Variants in ENAH observed in about 807,000 individuals in gnomAD.
ENAH encodes ENAH actin regulator, also known as protein enabled homolog.
ENAH carries 23 observed loss-of-function variants against 78.7 expected under a neutral mutation model. The observed-to-expected ratio is 0.29, with a 90% CI of 0.21 to 0.41. ENAH has a LOEUF of 0.41. Among genes scored for constraint, ENAH ranks in the 10% least tolerant of loss-of-function variants. The pLI, the probability that ENAH is intolerant of heterozygous loss-of-function variation, is 1.00. For synonymous variants in ENAH, 226 were observed against 241.0 expected (o/e 0.94, Z 0.58); for missense variants, 544 against 691.0 (o/e 0.79, Z 2.39).
intron 1 of ENAH, among the ~76,000 whole-genome samples, chr1:225,623,235 C>G (rs1296892191): frequency 6.6e-6 from 1 of 152,020 alleles, no homozygotes; most frequent in African/African-American, 2.4e-5. Flanking sequence ...AATTCATTCC[C>G]TTGTTTTTCT....
chr1:225,600,252 C>G (rs565543024), intron 1 of ENAH, among the ~76,000 whole-genome samples: 1 of 152,086 alleles, frequency 6.6e-6, no homozygotes, highest in South Asian at 2.1e-4. Context: ...TGAGTAAGAC[C>G]GCTATTCGGG....
intron 11 of ENAH, among the ~76,000 whole-genome samples, chr1:225,506,040 A>C (rs1329642064): frequency 6.6e-6 from 1 of 152,236 alleles, no homozygotes; most frequent in Non-Finnish European, 1.5e-5. Flanking sequence ...AAAATCTTTC[A>C]AAGAACAACT....
At chr1:225,519,788 T>C (rs1049432171) in intron 4 of ENAH, among the ~76,000 whole-genome samples, 2 of 152,220 alleles carry the variant, frequency 1.3e-5, no homozygotes, top group African/African-American at 4.8e-5. Flanking sequence ...CTTCAGCACA[T>C]TGCACTAACA....
Position 225,616,228 on chromosome 1 carries a change from G to C in ENAH, c.5+36458C>G, listed in dbSNP as rs188920166. On this transcript the variant is annotated intron_variant, in intron 1 of 13. Coordinates refer to ENST00000366843, the MANE Select transcript of ENAH (RefSeq NM_018212.6). ...GGGTCCTCTGCCTAGGAAAACCAGA[G>C]ACCCTGTTCACATGTTTATCTGCTG... 3.0e-3 allele frequency among the ~76,000 whole-genome samples: 448 copies of C among 151,488 alleles called. 1 individual carries two copies. The highest frequency in any genetic ancestry group is 6.8e-3 in the Middle Eastern group (2 of 294).
At chr1:225,548,518 C>T (rs1490132536) in intron 3 of ENAH, among the ~76,000 whole-genome samples, 6 of 152,182 alleles carry the variant, frequency 3.9e-5, no homozygotes, top group Non-Finnish European at 5.9e-5. Context: ...CCCTCAAAGG[C>T]GTTTTTAAAA....
intron 1 of ENAH, among the ~76,000 whole-genome samples, chr1:225,618,056 G>A (rs1656116036): frequency 6.6e-6 from 1 of 152,188 alleles, no homozygotes; most frequent in Admixed American, 6.5e-5. Context: ...ACTGGAATGA[G>A]CAGGAAAACA....
At chr1:225,556,836 C>T (rs1032740550) in intron 2 of ENAH, among the ~76,000 whole-genome samples, 2 of 152,134 alleles carry the variant, frequency 1.3e-5, no homozygotes, top group African/African-American at 2.4e-5. Context: ...TATCCCCAAT[C>T]CAACTGGAAT....
chr1:225,612,071 A>G (rs781707509), intron 1 of ENAH, among the ~76,000 whole-genome samples: 24 of 152,202 alleles, frequency 1.6e-4, no homozygotes, highest in Non-Finnish European at 2.9e-4. Context: ...AACCCGGCCA[A>G]TTCCACTCCT....
chr1:225,652,667 C>T lies in ENAH; in HGVS notation c.5+19G>A. ...GCGGCACAATGGCCCGCCCGGCCCC[C>T]GCCCCGCGCGCCCCTCACCTCATGG... On this transcript the variant is annotated intron_variant, in intron 1 of 13. Transcript: ENST00000366843. 1 of 1,276,246 alleles carries T rather than the reference C, an allele frequency of 7.8e-7. No individual in the cohort carries two copies. The highest frequency in any genetic ancestry group is 9.9e-7 in the Non-Finnish European group (1 of 1,011,030). The allele number at this position is 1,276,246 out of a possible 1,614,324, so 79.1% of individuals were successfully genotyped here. A position where few individuals can be genotyped will look rare whatever the true frequency, so the allele number is the denominator to read the frequency against.
In ENAH at chr1:225,497,511, A is replaced by G. The variant is rs531002181; in HGVS notation, c.*264T>C. The G allele has an allele frequency of 5.3e-4, 156 of 294,472 alleles. No individual in the cohort carries two copies. The highest frequency in any genetic ancestry group is 8.1e-4 in the Non-Finnish European group (128 of 157,944). 18.2% of individuals were successfully genotyped at this position (294,472 alleles called of 1,614,324 possible). A position where few individuals can be genotyped will look rare whatever the true frequency, so the allele number is the denominator to read the frequency against. ...CCTGATGGGTTTTAGTATTTTCTGCATAACTGTTACAGGAACTCTTAAATG... is the reference window on the plus strand; with the variant it reads ...CCTGATGGGTTTTAGTATTTTCTGCGTAACTGTTACAGGAACTCTTAAATG... On this transcript the variant is annotated 3_prime_UTR_variant, in exon 14 of 14. Coordinates refer to ENST00000366843, the MANE Select transcript of ENAH (RefSeq NM_018212.6).
At chr1:225,527,467 C>T (rs2096514036) in intron 4 of ENAH, among the ~76,000 whole-genome samples, 1 of 152,196 alleles carries the variant, frequency 6.6e-6, no homozygotes, top group Non-Finnish European at 1.5e-5. Flanking sequence ...CAGCCATGCA[C>T]TACTGTCAGC....
intron 1 of ENAH, among the ~76,000 whole-genome samples, chr1:225,651,116 C>T (rs891173155): frequency 1.3e-5 from 2 of 151,988 alleles, no homozygotes; most frequent in Non-Finnish European, 2.9e-5. Context: ...GTTTTCAAGC[C>T]ATATTTTACA....
intron 1 of ENAH, among the ~76,000 whole-genome samples, chr1:225,622,154 G>C (rs1448816375): frequency 6.6e-6 from 1 of 151,890 alleles, no homozygotes; most frequent in Non-Finnish European, 1.5e-5. Context: ...AACACTGAAG[G>C]TTATTATACA....
chr1:225,644,131 C>A (rs1201308040), intron 1 of ENAH, among the ~76,000 whole-genome samples: 1 of 151,834 alleles, frequency 6.6e-6, no homozygotes, highest in African/African-American at 2.4e-5. Flanking sequence ...GAAATCTACA[C>A]ATTAAAATAT....
At chr1:225,639,733 CACACACACACAA>C (rs1214505884) in intron 1 of ENAH, among the ~76,000 whole-genome samples, 1 of 149,310 alleles carries the variant, frequency 6.7e-6, no homozygotes, top group African/African-American at 2.6e-5. Context: ...CACACACACA[CACACACACACAA>C]GAAGGATGGT....
At chr1:225,607,140 T>G (rs986648943) in intron 1 of ENAH, among the ~76,000 whole-genome samples, 1 of 151,316 alleles carries the variant, frequency 6.6e-6, no homozygotes, top group Non-Finnish European at 1.5e-5. Context: ...AGATCAGGAG[T>G]GTGCAATCTT....
At chr1:225,557,583 G>C (rs959477878) in intron 2 of ENAH, among the ~76,000 whole-genome samples, 1 of 152,212 alleles carries the variant, frequency 6.6e-6, no homozygotes. Context: ...CACTTTGGGA[G>C]GCCAAGGCAG....
rs931501500 is a variant in ENAH, at chr1:225,486,891, T to A, written c.*10884A>T. On this transcript the variant is annotated 3_prime_UTR_variant, in exon 14 of 14. Transcript: ENST00000366843. ...AAAAGGATACCAAGAAGCAGAAGAA[T>A]GAAGCAGTTAAAACCAGCAAAGCTG... 3.3e-5 allele frequency: 5 copies of A among 152,672 alleles called. No homozygotes were observed. The highest frequency in any genetic ancestry group is 7.3e-5 in the Non-Finnish European group (5 of 68,044). The allele number at this position is 152,672 out of a possible 1,614,324, so 9.5% of individuals were successfully genotyped here. A position where few individuals can be genotyped will look rare whatever the true frequency, so the allele number is the denominator to read the frequency against.
intron 2 of ENAH, among the ~76,000 whole-genome samples, chr1:225,559,236 TA>T (rs1345450021): frequency 1.5e-4 from 23 of 152,218 alleles, no homozygotes; most frequent in Non-Finnish European, 2.5e-4. Context: ...CACCTACACC[TA>T]TGGGATTCTC....
Sources: gnomAD v4.1 joint callset for allele counts (sites outside exome capture counted in the v4.1 genomes callset) on GRCh38, gnomAD v4.1.1 for gene constraint, MANE v1.5 for transcripts, NCBI Gene and HGNC (gene_info 2026-07-23, HGNC 2026-07-21) for gene names.